SRRM4: variants seen among roughly 807,000 people sequenced by gnomAD.
SRRM4 encodes serine/arginine repetitive matrix 4, also known as serine/arginine repetitive matrix protein 4.
Under a neutral mutation model 68.9 loss-of-function variants are expected in SRRM4, and 33 were observed. That is an observed-to-expected ratio of 0.48 (90% CI 0.36 to 0.64). The LOEUF (loss-of-function observed/expected upper bound fraction) is 0.64, where lower values mean the gene tolerates loss of function less well. Ranked by LOEUF, SRRM4 falls within the 30% of genes least tolerant of loss-of-function variation. The probability of loss-of-function intolerance (pLI) is 0.00; values close to 1 mark genes in which losing one functional copy is unlikely to be tolerated. For synonymous variants in SRRM4, 318 were observed against 318.8 expected, an observed-to-expected ratio of 1.00 and a Z score of 0.03; for missense variants, 817 against 827.1, an observed-to-expected ratio of 0.99 and a Z score of 0.15.
At chr12:119,026,600 G>C (rs1346527608) in intron 1 of SRRM4, among the ~76,000 whole-genome samples, 4 of 151,868 alleles carry the variant, frequency 2.6e-5, no homozygotes, top group Non-Finnish European at 5.9e-5. Context: ...CCCAGCTAGA[G>C]TGCAATGGCG....
intron 1 of SRRM4, among the ~76,000 whole-genome samples, chr12:118,988,699 C>T (rs1181631005): frequency 6.6e-6 from 1 of 152,204 alleles, no homozygotes; most frequent in Non-Finnish European, 1.5e-5. Context: ...TATTGAACCA[C>T]TACTCAACGT....
chr12:119,066,769 T>C (rs766624000), intron 1 of SRRM4, among the ~76,000 whole-genome samples: 7 of 152,238 alleles, frequency 4.6e-5, no homozygotes, highest in Non-Finnish European at 8.8e-5. Context: ...ACGAGTTACA[T>C]AGTTCCTCCC....
At chr12:118,982,682 T>TTG (rs1228412919) in intron 1 of SRRM4, among the ~76,000 whole-genome samples, 5 of 134,288 alleles carry the variant, frequency 3.7e-5, no homozygotes, top group East Asian at 2.0e-4. Context: ...TTTTTTTGTT[T>TTG]TTTTTTTTTT....
At chr12:119,109,978 T>C (rs1954132195) in intron 2 of SRRM4, among the ~76,000 whole-genome samples, 1 of 152,234 alleles carries the variant, frequency 6.6e-6, no homozygotes, top group Non-Finnish European at 1.5e-5. Flanking sequence ...TGGTCTTTGA[T>C]GATGGTGATG....
chr12:119,070,469 T>C (rs959053063), intron 1 of SRRM4, among the ~76,000 whole-genome samples: 1 of 152,122 alleles, frequency 6.6e-6, no homozygotes, highest in Non-Finnish European at 1.5e-5. Flanking sequence ...TTTCAGCTTT[T>C]GCCTTGAGGA....
intron 1 of SRRM4, among the ~76,000 whole-genome samples, chr12:119,097,492 C>T (rs1009963008): frequency 2.0e-5 from 3 of 152,228 alleles, no homozygotes; most frequent in Non-Finnish European, 4.4e-5. Flanking sequence ...CTTCTTCCTC[C>T]CCTCAGCATT....
chr12:119,111,971 AG>A (rs1028809138), intron 2 of SRRM4, among the ~76,000 whole-genome samples: 2 of 152,010 alleles, frequency 1.3e-5, no homozygotes, highest in African/African-American at 4.8e-5. Context: ...GCTTGAACCC[AG>A]GAGATGGAGG....
At position 119,159,363 on chromosome 12, in the gene SRRM4, A is replaced by G. The variant is rs1292961826; in HGVS notation, c.*2565A>G. The G allele has an allele frequency of 6.6e-6, 1 of 152,446 alleles. No individual in the cohort carries two copies. Among genetic ancestry groups the G allele is most frequent in the Non-Finnish European group, 1.5e-5 (1 of 68,252 alleles). 9.4% of individuals were successfully genotyped at this position (152,446 alleles called of 1,614,324 possible). On this transcript the variant is annotated 3_prime_UTR_variant, in exon 13 of 13. Transcript: ENST00000267260. ...GGGGGTTGGAGTCGAAAGTTGGCAAATGGGGCCAAGGCTGCACAAAGTCGA... is the reference window on the plus strand; with the variant it reads ...GGGGGTTGGAGTCGAAAGTTGGCAAGTGGGGCCAAGGCTGCACAAAGTCGA...
At chr12:119,088,999 C>G (rs1456202146) in intron 1 of SRRM4, among the ~76,000 whole-genome samples, 1 of 152,120 alleles carries the variant, frequency 6.6e-6, no homozygotes, top group African/African-American at 2.4e-5. Context: ...GTGACTCGCC[C>G]GGGATCACAG....
At chr12:119,039,162 A>C (rs942947928) in intron 1 of SRRM4, among the ~76,000 whole-genome samples, 3 of 152,166 alleles carry the variant, frequency 2.0e-5, no homozygotes, top group African/African-American at 7.2e-5. Flanking sequence ...GGGCACCAAC[A>C]CCCCATGTCC....
At chr12:119,134,408 A>G (rs1271422707) in intron 8 of SRRM4, among the ~76,000 whole-genome samples, 3 of 145,962 alleles carry the variant, frequency 2.1e-5, no homozygotes, top group African/African-American at 5.0e-5. Context: ...AGAAGAAAAG[A>G]AAAAAAAAAA....
chr12:119,060,265 C>A (rs1478330953), intron 1 of SRRM4, among the ~76,000 whole-genome samples: 1 of 151,564 alleles, frequency 6.6e-6, no homozygotes, highest in Non-Finnish European at 1.5e-5. Flanking sequence ...TGGAATTACT[C>A]ACTTCGGTGG....
intron 4 of SRRM4, among the ~76,000 whole-genome samples, chr12:119,120,037 A>T (rs1175535094): frequency 1.3e-5 from 2 of 150,834 alleles, no homozygotes; most frequent in African/African-American, 4.9e-5. Flanking sequence ...GATCACAAAC[A>T]TGCTGATACC....
At chr12:119,106,518 C>T (rs1954108697) in intron 2 of SRRM4, among the ~76,000 whole-genome samples, 1 of 152,054 alleles carries the variant, frequency 6.6e-6, no homozygotes, top group East Asian at 1.9e-4. Flanking sequence ...TTGAAGAGGT[C>T]CTTCACATCC....
At chr12:119,073,477 G>A (rs926263189) in intron 1 of SRRM4, among the ~76,000 whole-genome samples, 2 of 151,902 alleles carry the variant, frequency 1.3e-5, no homozygotes. Context: ...ACAGGCACCT[G>A]CCATGCCCAG....
Position 119,125,376 on chromosome 12 carries a change from C to A in SRRM4, c.516-5C>A, listed in dbSNP as rs201414189. 9.3e-6 allele frequency: 15 copies of A among 1,612,230 alleles called. No individual in the cohort carries two copies. In the East Asian group the frequency reaches 3.4e-4, roughly 36 times the overall value. ...CTCTGACTCGTTCCTTCTCATCCCC[C>A]CAAGATCTCGAAGCCGGCCCCGAAA... On this transcript the variant is annotated splice_region_variant and splice_polypyrimidine_tract_variant and intron_variant, in intron 6 of 12. Transcript: ENST00000267260.
intron 1 of SRRM4, among the ~76,000 whole-genome samples, chr12:119,051,179 T>C (rs1565897791): frequency 6.6e-6 from 1 of 152,208 alleles, no homozygotes; most frequent in Non-Finnish European, 1.5e-5. Context: ...AGTAGTGTCA[T>C]GGTTGGAAAA....
intron 1 of SRRM4, among the ~76,000 whole-genome samples, chr12:119,046,834 AACGTGTGG>A (rs1953710640): frequency 6.6e-6 from 1 of 152,130 alleles, no homozygotes; most frequent in East Asian, 1.9e-4. Context: ...GGAACATAAA[AACGTGTGG>A]ACTCTGGTGA....
At chr12:119,028,727 A>C (rs1395474288) in intron 1 of SRRM4, among the ~76,000 whole-genome samples, 2 of 152,212 alleles carry the variant, frequency 1.3e-5, no homozygotes, top group Non-Finnish European at 2.9e-5. Context: ...TTATTGTACC[A>C]TGCTGTCCCC....
Sources: gnomAD v4.1 joint callset for allele counts (sites outside exome capture counted in the v4.1 genomes callset) on GRCh38, gnomAD v4.1.1 for gene constraint, MANE v1.5 for transcripts, NCBI Gene and HGNC (gene_info 2026-07-23, HGNC 2026-07-21) for gene names.